Variants in TENM3 observed in about 807,000 individuals in gnomAD.
The protein encoded by TENM3 is teneurin-3.
In TENM3, 63 loss-of-function variants were observed where a neutral mutation model predicts 255.1. The ratio of observed to expected loss-of-function variants is 0.25; its 90% confidence interval spans 0.20 to 0.30. TENM3 has a LOEUF of 0.30. TENM3 is among the 10% of genes least tolerant of loss of function. The pLI is 1.00. For missense variants in TENM3, 2,929 were observed against 3,461.1 expected, an observed-to-expected ratio of 0.85 and a Z score of 3.86; for synonymous variants, 1,306 against 1,322.3, an observed-to-expected ratio of 0.99 and a Z score of 0.27.
chr4:182,635,143 A>G (rs943664640), intron 5 of TENM3, among the ~76,000 whole-genome samples: 1 of 152,230 alleles, frequency 6.6e-6, no homozygotes, highest in Non-Finnish European at 1.5e-5. Context: ...CTTTTTAAGG[A>G]ACACTAGAGA....
chr4:182,682,917 T>A (rs1388584384), intron 11 of TENM3, among the ~76,000 whole-genome samples: 2 of 152,226 alleles, frequency 1.3e-5, no homozygotes, highest in African/African-American at 4.8e-5. Flanking sequence ...TAATACTATA[T>A]TGAGTGTTAC....
intron 3 of TENM3, among the ~76,000 whole-genome samples, chr4:182,522,639 T>C (rs1738702082): frequency 6.6e-6 from 1 of 152,228 alleles, no homozygotes; most frequent in Admixed American, 6.5e-5. Context: ...AACATGCAGG[T>C]TGGTTACATA....
intron 1 of TENM3, among the ~76,000 whole-genome samples, chr4:182,220,826 G>A (rs1327709434): frequency 6.6e-6 from 1 of 152,044 alleles, no homozygotes; most frequent in African/African-American, 2.4e-5. Context: ...AATTAATCCT[G>A]TGTAATATTA....
intron 4 of TENM3, among the ~76,000 whole-genome samples, chr4:182,609,871 T>C (rs1748822411): frequency 6.6e-6 from 1 of 152,244 alleles, no homozygotes; most frequent in Non-Finnish European, 1.5e-5. Flanking sequence ...GTTTCTTTGC[T>C]TTTTATTCTT....
chr4:181,848,110 A>C, the TENM3 span, among the ~76,000 whole-genome samples: 1 of 152,208 alleles, frequency 6.6e-6, no homozygotes, highest in East Asian at 1.9e-4. Context: ...GCCAACAGAC[A>C]AATCAATACA....
At chr4:181,701,195 A>T in the TENM3 span, among the ~76,000 whole-genome samples, 1 of 152,210 alleles carries the variant, frequency 6.6e-6, no homozygotes, top group Non-Finnish European at 1.5e-5. Context: ...GCACTCTCCC[A>T]CCAAGGAGAC....
chr4:182,755,082 G>T lies in TENM3; in HGVS notation c.4715G>T (p.Arg1572Leu). The T allele has an allele frequency of 6.2e-7, 1 of 1,613,968 alleles. No individual in the cohort carries two copies. The highest frequency in any genetic ancestry group is 8.5e-7 in the Non-Finnish European group (1 of 1,179,896). ...CTTAGAATTAGACGGGACCCAAATC[G>T]CATGCCAGTTCGAGTGGTGTCTCCT... ...NTLRIRRDPN[R>L]MPVRVVSPDN... Residue 1572 changes from arginine (R) to leucine (L), a missense_variant, in exon 22 of 28, where the codon CGC becomes CTC. Physicochemically the swap from Arg to Leu is moderately radical, Grantham distance 102. Coordinates refer to ENST00000511685, the MANE Select transcript of TENM3 (RefSeq NM_001080477.4).
At chr4:181,703,375 T>C in the TENM3 span, among the ~76,000 whole-genome samples, 1 of 152,200 alleles carries the variant, frequency 6.6e-6, no homozygotes, top group Non-Finnish European at 1.5e-5. Context: ...TTTCCTACAG[T>C]GCAAAATATT....
intron 1 of TENM3, among the ~76,000 whole-genome samples, chr4:182,234,229 C>T (rs1354833220): frequency 6.6e-6 from 1 of 152,130 alleles, no homozygotes; most frequent in East Asian, 1.9e-4. Flanking sequence ...TTACTATCCA[C>T]AAAAGTTCGT....
the TENM3 span, among the ~76,000 whole-genome samples, chr4:181,956,448 T>C: frequency 6.6e-6 from 1 of 152,244 alleles, no homozygotes; most frequent in African/African-American, 2.4e-5. Flanking sequence ...ATAATGTATG[T>C]TCCATGAGGG....
intron 16 of TENM3, among the ~76,000 whole-genome samples, chr4:182,735,765 C>T (rs1368555058): frequency 6.6e-6 from 1 of 151,966 alleles, no homozygotes; most frequent in African/African-American, 2.4e-5. Flanking sequence ...CTAACAGGAG[C>T]ATTGGTAAAG....
the TENM3 span, among the ~76,000 whole-genome samples, chr4:181,649,373 A>G: frequency 6.6e-6 from 1 of 152,226 alleles, no homozygotes; most frequent in African/African-American, 2.4e-5. Context: ...GGAAAAAGCA[A>G]TAAGTCATAT....
the TENM3 span, among the ~76,000 whole-genome samples, chr4:182,015,387 G>A: frequency 1.8e-4 from 27 of 152,264 alleles, no homozygotes; most frequent in Admixed American, 1.4e-3. Context: ...AAGAAAGGTC[G>A]CATTTAAAAA....
At chr4:182,168,924 T>C (rs750922833) in intron 1 of TENM3, among the ~76,000 whole-genome samples, 1 of 152,188 alleles carries the variant, frequency 6.6e-6, no homozygotes, top group Non-Finnish European at 1.5e-5. Context: ...CAATTAATTG[T>C]ATTTGCCCAA....
At chr4:181,465,854 G>C in the TENM3 span, among the ~76,000 whole-genome samples, 3 of 152,110 alleles carry the variant, frequency 2.0e-5, no homozygotes, top group African/African-American at 7.2e-5. Flanking sequence ...CCATGTCACA[G>C]AGTGAAGGAC....
At chr4:181,916,385 C>T in the TENM3 span, among the ~76,000 whole-genome samples, 21 of 152,174 alleles carry the variant, frequency 1.4e-4, no homozygotes, top group African/African-American at 4.8e-4. Context: ...TACGTAAAAC[C>T]GGCTAATAAA....
chr4:182,456,660 C>G (rs1773896240), intron 3 of TENM3, among the ~76,000 whole-genome samples: 1 of 152,152 alleles, frequency 6.6e-6, no homozygotes, highest in South Asian at 2.1e-4. Context: ...TAATGCAACT[C>G]TCTTTGGATG....
At chr4:182,553,119 G>C (rs141234342) in intron 3 of TENM3, among the ~76,000 whole-genome samples, 4 of 152,144 alleles carry the variant, frequency 2.6e-5, no homozygotes, top group South Asian at 2.1e-4. Context: ...GGGTCTCACT[G>C]TGTTGCCCAG....
At chr4:182,038,175 T>C in the TENM3 span, among the ~76,000 whole-genome samples, 1,959 of 152,310 alleles carry the variant, frequency 0.013, 46 homozygotes, top group African/African-American at 0.044. Context: ...TAGAAGAATA[T>C]GACTAGCTTC....
Sources: allele counts gnomAD v4.1 joint callset (sites outside exome capture counted in the v4.1 genomes callset), GRCh38; gene constraint gnomAD v4.1.1; transcripts MANE v1.5; gene names NCBI Gene and HGNC (gene_info 2026-07-23, HGNC 2026-07-21).